Variants in MOGAT1 observed in about 807,000 individuals in gnomAD.
MOGAT1 encodes monoacylglycerol O-acyltransferase 1.
Under a neutral mutation model 31.4 loss-of-function variants are expected in MOGAT1, and 32 were observed. The ratio of observed to expected loss-of-function variants is 1.02; its 90% CI spans 0.77 to 1.37. MOGAT1 has a LOEUF of 1.37. Among genes scored for constraint, MOGAT1 ranks in the 40% most tolerant of loss-of-function variants. MOGAT1 has a pLI of 0.00. For missense variants in MOGAT1, 426 were observed against 402.0 expected (o/e 1.06, Z -0.51); for synonymous variants, 145 against 144.5 (o/e 1.00, Z -0.03).
intron 1 of MOGAT1, chr2:222,677,623 A>G: frequency 6.7e-6 from 2 of 298,652 alleles, no homozygotes; most frequent in African/African-American, 2.3e-5. Context: ...AGGAGAGAAA[A>G]AGAAGATGAG....
Position 222,709,909 on chromosome 2 carries a change from T to A in MOGAT1, c.*19T>A. On this transcript the variant is annotated 3_prime_UTR_variant, in exon 6 of 6. Coordinates refer to ENST00000446656, the MANE Select transcript of MOGAT1 (RefSeq NM_058165.3). Reference sequence around the variant, plus strand: ...AAAATGACTTGACTATAAAAAAAAATTAAAAAATAAAAATAAATGACTTGG... The same window carrying A: ...AAAATGACTTGACTATAAAAAAAAAATAAAAAATAAAAATAAATGACTTGG... The A allele has an allele frequency of 1.3e-6, 2 of 1,523,736 alleles. No individual in the cohort carries two copies. Among genetic ancestry groups the A allele is most frequent in the South Asian group, 1.2e-5 (1 of 80,416 alleles). 94.4% of individuals were successfully genotyped at this position (1,523,736 alleles called of 1,614,324 possible). A position where few individuals can be genotyped will look rare whatever the true frequency, so the allele number is the denominator to read the frequency against.
intron 5 of MOGAT1, among the ~76,000 whole-genome samples, chr2:222,709,166 A>C (rs1042926887): frequency 3.9e-5 from 6 of 152,164 alleles, no homozygotes; most frequent in African/African-American, 1.4e-4. Context: ...TACAAAAAAA[A>C]AATTAGCCGG....
intron 2 of MOGAT1, 38 bp from the exon 3 acceptor site, chr2:222,689,227 T>C: frequency 6.7e-7 from 1 of 1,496,316 alleles, no homozygotes; most frequent in South Asian, 1.3e-5. Context: ...ATAAGGGAAG[T>C]TTCTTTTTTT....
At chr2:222,699,540 A>G (rs1158497851) in intron 5 of MOGAT1, 1 of 117,896 alleles carries the variant, frequency 8.5e-6, no homozygotes, top group African/African-American at 3.4e-5. Context: ...TATGTCACCC[A>G]GGCTGGAGTG....
intron 5 of MOGAT1, among the ~76,000 whole-genome samples, chr2:222,704,891 T>A (rs1441713836): frequency 6.6e-6 from 1 of 152,036 alleles, no homozygotes; most frequent in African/African-American, 2.4e-5. Context: ...GTTATGATAG[T>A]GTTACAGGAG....
At chr2:222,691,433 T>A (rs1378898069) in intron 3 of MOGAT1, among the ~76,000 whole-genome samples, 1 of 152,124 alleles carries the variant, frequency 6.6e-6, no homozygotes, top group Non-Finnish European at 1.5e-5. Flanking sequence ...GGTCAAGAAC[T>A]CCTGACCTCA....
At chr2:222,672,893 T>TTATTAC (rs1433816477) in intron 1 of MOGAT1, among the ~76,000 whole-genome samples, 21 of 110,820 alleles carry the variant, frequency 1.9e-4, no homozygotes, top group Admixed American at 3.2e-4. Context: ...AATTTGTTTA[T>TTATTAC]TATTATTATT....
chr2:222,673,698 G>A (rs1392166037), intron 1 of MOGAT1, among the ~76,000 whole-genome samples: 1 of 152,216 alleles, frequency 6.6e-6, no homozygotes, highest in Non-Finnish European at 1.5e-5. Flanking sequence ...TGAACTTGGA[G>A]TCCGACTTCC....
intron 1 of MOGAT1, among the ~76,000 whole-genome samples, chr2:222,675,973 T>C (rs1311330132): frequency 6.6e-6 from 1 of 152,164 alleles, no homozygotes; most frequent in Non-Finnish European, 1.5e-5. Context: ...TGTTTTAAGA[T>C]CTCTAAATCA....
intron 2 of MOGAT1, 134 bp downstream of exon 2, chr2:222,688,656 C>A: frequency 3.1e-6 from 2 of 653,928 alleles, no homozygotes; most frequent in Non-Finnish European, 5.0e-6. Context: ...AACAGAATAC[C>A]AAAGACTAGG....
At chr2:222,694,264 T>G in intron 3 of MOGAT1, 98 bp from the exon 4 acceptor site, 1 of 1,165,980 alleles carries the variant, frequency 8.6e-7, no homozygotes, top group Non-Finnish European at 1.2e-6. Context: ...GTGTAGGAAA[T>G]TTTGTTAAAT....
chr2:222,672,961 T>G (rs1692442938), intron 1 of MOGAT1, among the ~76,000 whole-genome samples: 3 of 150,734 alleles, frequency 2.0e-5, no homozygotes, highest in Non-Finnish European at 4.4e-5. Flanking sequence ...TTGCCCACGC[T>G]GGAGTGCAGT....
intron 1 of MOGAT1, among the ~76,000 whole-genome samples, chr2:222,678,551 A>G (rs1692531676): frequency 6.6e-6 from 1 of 152,190 alleles, no homozygotes; most frequent in Non-Finnish European, 1.5e-5. Context: ...TCAATCTCTT[A>G]ACAATGTCTT....
At chr2:222,703,749 GTTGGAGAGCAAT>G (rs1692964344) in intron 5 of MOGAT1, among the ~76,000 whole-genome samples, 1 of 152,102 alleles carries the variant, frequency 6.6e-6, no homozygotes, top group Non-Finnish European at 1.5e-5. Context: ...TATGTAGCAT[GTTGGAGAGCAAT>G]TCCTGCATGA....
In MOGAT1 at chr2:222,698,689, C is replaced by G. The variant is rs1692872845; in HGVS notation, c.853+3401C>G. 4 of 152,262 alleles carry G rather than the reference C, an allele frequency of 2.6e-5. No individual in the cohort carries two copies. In the South Asian group the frequency reaches 8.3e-4, roughly 32 times the overall value. The allele number at this position is 152,262 out of a possible 1,614,324, so 9.4% of individuals were successfully genotyped here. ...CCGGCTTCACCATTGCCACCCTCCT[C>G]TCACACACATACCACCTCAACTCTC... is the stretch of plus-strand genomic sequence containing the variant. On this transcript the variant is annotated intron_variant, in intron 5 of 5. Coordinates refer to ENST00000446656, the MANE Select transcript of MOGAT1 (RefSeq NM_058165.3).
intron 5 of MOGAT1, among the ~76,000 whole-genome samples, chr2:222,701,451 G>T (rs2106043609): frequency 7.0e-6 from 1 of 143,054 alleles, no homozygotes; most frequent in East Asian, 2.0e-4. Context: ...GAGAAAGGAA[G>T]GAAGGAAGGA....
At chr2:222,680,681 A>G (rs1427679313) in intron 1 of MOGAT1, among the ~76,000 whole-genome samples, 1 of 152,186 alleles carries the variant, frequency 6.6e-6, no homozygotes, top group Non-Finnish European at 1.5e-5. Context: ...AAGAGGTGCT[A>G]ATGGATTTTT....
chr2:222,681,556 C>T (rs986667853), intron 1 of MOGAT1, among the ~76,000 whole-genome samples: 2 of 152,268 alleles, frequency 1.3e-5, no homozygotes, highest in African/African-American at 4.8e-5. Context: ...TGTCTGAACC[C>T]TGGACTTTAT....
Position 222,688,052 on chromosome 2 carries a change from C to G in MOGAT1, c.95-292C>G, listed in dbSNP as rs534106205. 3.1e-3 allele frequency among the ~76,000 whole-genome samples: 477 copies of G among 152,246 alleles called. 2 individuals carry two copies. The highest frequency in any genetic ancestry group is 5.1e-3 in the Non-Finnish European group (348 of 68,016). ...TGGCTCAGTGTTTCCTCTACCGATT[C>G]CTTCCACCTCCCCCTTCAAAAATAA... On this transcript the variant is annotated intron_variant, in intron 1 of 5. Coordinates refer to ENST00000446656, the MANE Select transcript of MOGAT1 (RefSeq NM_058165.3).
Sources: gnomAD v4.1 joint callset for allele counts (sites outside exome capture counted in the v4.1 genomes callset) on GRCh38, gnomAD v4.1.1 for gene constraint, MANE v1.5 for transcripts, NCBI Gene and HGNC (gene_info 2026-07-23, HGNC 2026-07-21) for gene names.